The following CCDC171 variants were observed in gnomAD, a reference collection of about 807,000 sequenced individuals.
CCDC171 encodes coiled-coil domain containing 171.
A neutral mutation model predicts 168.2 loss-of-function variants in CCDC171; 177 were observed. The observed-to-expected ratio is 1.05, with a 90% CI of 0.93 to 1.19. CCDC171 has a LOEUF of 1.19. Ranked by LOEUF, CCDC171 falls within the 50% of genes most tolerant of loss-of-function variation. The pLI, the probability that CCDC171 is intolerant of heterozygous loss-of-function variation, is 0.00. For synonymous variants in CCDC171, 687 were observed against 540.8 expected (o/e 1.27, Z -3.75); for missense variants, 1,991 against 1,539.0 (o/e 1.29, Z -4.91).
chr9:15,733,763 A>G lies in CCDC171; in HGVS notation c.2049+3965A>G, dbSNP rs193163954. Among the ~76,000 whole-genome samples the G allele has an allele frequency of 2.9e-3, 446 of 151,966 alleles. 2 individuals are homozygous for G. Among genetic ancestry groups the G allele is most frequent in the Non-Finnish European group, 4.5e-3 (309 of 67,962 alleles). ...ACTCTTTGAAAATCTACCAGAAGGC[A>G]TAGCAATTCACTTTTTTCTCTTTTT... On this transcript the variant is annotated intron_variant, in intron 16 of 25. Coordinates refer to ENST00000380701, the MANE Select transcript of CCDC171 (RefSeq NM_173550.4).
chr9:15,717,504 G>T (rs767515929), intron 11 of CCDC171, among the ~76,000 whole-genome samples: 35 of 152,180 alleles, frequency 2.3e-4, no homozygotes, highest in Non-Finnish European at 3.5e-4. Flanking sequence ...ACCAGCGGGG[G>T]CAGCAAAGGG....
intron 12 of CCDC171, 141 bp from the exon 13 acceptor site, chr9:15,723,540 T>C: frequency 1.6e-6 from 1 of 626,866 alleles, no homozygotes; most frequent in South Asian, 2.0e-5. Flanking sequence ...TAAAGACTCT[T>C]AATTACTATT....
chr9:15,622,967 C>T (rs1564070197), intron 6 of CCDC171, among the ~76,000 whole-genome samples: 1 of 152,174 alleles, frequency 6.6e-6, no homozygotes, highest in Non-Finnish European at 1.5e-5. Context: ...AGTTGAACTA[C>T]TGCATTATAT....
At position 15,745,649 on chromosome 9, in the gene CCDC171, A is replaced by G. The variant is rs376270344; in HGVS notation, c.2671+18A>G. ...TAAAGCAGGTATGGTTCCTTCTTTT[A>G]TGTCCTTGCAAAATACATTTAAGAA... On this transcript the variant is annotated intron_variant, in intron 18 of 25. Transcript: ENST00000380701. 2.8e-6 allele frequency: 4 copies of G among 1,419,692 alleles called. No homozygotes were observed. In the East Asian group the frequency reaches 7.2e-5, roughly 26 times the overall value. The allele number at this position is 1,419,692 out of a possible 1,614,324, so 87.9% of individuals were successfully genotyped here.
chr9:16,063,945 C>T (rs985591530), downstream of CCDC171, among the ~76,000 whole-genome samples: 13 of 152,212 alleles, frequency 8.5e-5, no homozygotes, highest in African/African-American at 3.1e-4. Context: ...ACAATGCCCA[C>T]CTCCTGGAGT....
At chr9:15,560,889 A>T (rs764902242) in intron 1 of CCDC171, among the ~76,000 whole-genome samples, 13 of 151,964 alleles carry the variant, frequency 8.6e-5, no homozygotes, top group Non-Finnish European at 1.5e-4. Context: ...GTCTTTGTTG[A>T]TGGTGACATA....
rs569550506 is a variant in CCDC171 at position 15,674,535 on chromosome 9, G to A, written c.1077-4223G>A. Among the ~76,000 whole-genome samples the A allele has an allele frequency of 5.9e-5, 9 of 152,270 alleles. No homozygotes were observed. In the South Asian group the frequency reaches 1.9e-3, roughly 32 times the overall value. The stretch of plus-strand genomic sequence containing the variant: ...TCCCTCTACACACTTCCTTAACTAT[G>A]TCCCAGAGATTCTGGTATGTTGTGT... On this transcript the variant is annotated intron_variant, in intron 9 of 25. Transcript: ENST00000380701.
Position 16,060,138 on chromosome 9 carries a change from AG to A in CCDC171, n.90-505del, listed in dbSNP as rs375446911. Among the ~76,000 whole-genome samples, 580 of 152,286 alleles carry A rather than the reference AG, an allele frequency of 3.8e-3. 7 individuals are homozygous for A. The highest frequency in any genetic ancestry group is 0.013 in the African/African-American group (558 of 41,562). On this transcript the variant is annotated intron_variant and non_coding_transcript_variant, in intron 1 of 1. Transcript: ENST00000478913. ...TTGTGTATTAGTTTTTCTCCTTTGC[AG>A]GGTCTTCTCTCTGAAGGCTAGTGGC...
At chr9:15,853,982 G>A (rs994624165) in intron 23 of CCDC171, among the ~76,000 whole-genome samples, 10 of 150,206 alleles carry the variant, frequency 6.7e-5, no homozygotes, top group Non-Finnish European at 1.3e-4. Flanking sequence ...TTTTGAATAT[G>A]CTGCTAGGTT....
chr9:16,071,143 G>A, the CCDC171 span, among the ~76,000 whole-genome samples: 1 of 152,212 alleles, frequency 6.6e-6, no homozygotes, highest in African/African-American at 2.4e-5. Context: ...GAGGGAGGCA[G>A]AGAGAGGAGA....
rs1180922282 is a variant in CCDC171 at position 15,816,557 on chromosome 9, C to G, written c.3268-30145C>G. Among the ~76,000 whole-genome samples the G allele has an allele frequency of 1.7e-5, 2 of 115,324 alleles. 1 individual carries two copies. Among genetic ancestry groups the G allele is most frequent in the African/African-American group, 7.0e-5 (2 of 28,518 alleles). The allele number at this position is 115,324 out of a possible 152,430, so 75.7% of individuals were successfully genotyped here. A position where few individuals can be genotyped will look rare whatever the true frequency, so the allele number is the denominator to read the frequency against. The stretch of plus-strand genomic sequence containing the variant: ...GACTATACGTATGCAAAACTGGAAA[C>G]AGAGGCAAGTTAGGAGGCTAACAGT... On this transcript the variant is annotated intron_variant, in intron 21 of 25. Transcript: ENST00000380701.
intron 25 of CCDC171, among the ~76,000 whole-genome samples, chr9:15,948,167 A>G (rs988111670): frequency 4.6e-5 from 7 of 151,492 alleles, no homozygotes; most frequent in African/African-American, 1.7e-4. Context: ...ATCATTTTTT[A>G]TGGCTGCATA....
chr9:15,863,129 A>T (rs2061629355), intron 23 of CCDC171, among the ~76,000 whole-genome samples: 1 of 152,010 alleles, frequency 6.6e-6, no homozygotes. Flanking sequence ...GACAAAAGCC[A>T]ATCCTTTAGG....
chr9:15,606,395 T>G (rs945968244), intron 6 of CCDC171, among the ~76,000 whole-genome samples: 1 of 152,214 alleles, frequency 6.6e-6, no homozygotes, highest in African/African-American at 2.4e-5. Flanking sequence ...TTCAAGCTTA[T>G]GGATTCACAA....
intron 3 of CCDC171, among the ~76,000 whole-genome samples, chr9:16,014,644 G>T (rs1379973053): frequency 6.6e-6 from 1 of 152,128 alleles, no homozygotes; most frequent in East Asian, 1.9e-4. Flanking sequence ...TCCATGGGCT[G>T]CAGAATGGAC....
At chr9:15,806,372 T>C (rs952641500) in intron 21 of CCDC171, among the ~76,000 whole-genome samples, 1 of 152,096 alleles carries the variant, frequency 6.6e-6, no homozygotes, top group African/African-American at 2.4e-5. Flanking sequence ...TTGCTGGTAA[T>C]GGTTTTTCTT....
chr9:16,026,324 G>C (rs1237059787), intron 6 of CCDC171, among the ~76,000 whole-genome samples: 1 of 152,100 alleles, frequency 6.6e-6, no homozygotes, highest in Non-Finnish European at 1.5e-5. Flanking sequence ...GTGCTCATTT[G>C]ATCACCTCTA....
At chr9:15,867,375 T>G (rs1267480147) in intron 23 of CCDC171, among the ~76,000 whole-genome samples, 1 of 152,104 alleles carries the variant, frequency 6.6e-6, no homozygotes, top group Non-Finnish European at 1.5e-5. Context: ...TTTATGAAAC[T>G]GACAGTATTT....
At chr9:15,738,440 T>C (rs2054629840) in intron 16 of CCDC171, among the ~76,000 whole-genome samples, 1 of 152,224 alleles carries the variant, frequency 6.6e-6, no homozygotes, top group African/African-American at 2.4e-5. Flanking sequence ...TTTTAGGTTT[T>C]TTTCTTCATG....
Sources: gnomAD v4.1 joint callset for allele counts (sites outside exome capture counted in the v4.1 genomes callset) on GRCh38, gnomAD v4.1.1 for gene constraint, MANE v1.5 for transcripts, NCBI Gene and HGNC (gene_info 2026-07-23, HGNC 2026-07-21) for gene names.